Variants in DIPK2B observed in about 807,000 individuals in gnomAD.
DIPK2B encodes the protein divergent protein kinase domain 2B.
Under a neutral mutation model 22.2 loss-of-function variants are expected in DIPK2B, and 15 were observed. That is an observed-to-expected ratio of 0.68 (90% CI 0.45 to 1.04). The LOEUF is 1.04. Ranked by LOEUF, DIPK2B falls within the 50% of genes least tolerant of loss-of-function variation. DIPK2B has a pLI of 0.00. For missense variants in DIPK2B, 345 were observed against 348.3 expected, an observed-to-expected ratio of 0.99 and a Z score of 0.08; for synonymous variants, 163 against 153.2, an observed-to-expected ratio of 1.06 and a Z score of -0.47.
intron 2 of DIPK2B, among the ~76,000 whole-genome samples, chrX:45,179,414 C>T (rs538211094): frequency 8.2e-5 from 9 of 110,356 alleles, no homozygotes; most frequent in African/African-American, 1.6e-4. Context: ...AGCAAAAAAA[C>T]GGAAAACTAT....
At position 45,200,860 on chromosome X, in the gene DIPK2B, T is replaced by C. The variant is rs779730201; in HGVS notation, c.-34A>G. On this transcript the variant is annotated 5_prime_UTR_variant, in exon 1 of 5. Coordinates refer to ENST00000398000, the MANE Select transcript of DIPK2B (RefSeq NM_176819.4). ...CTGGGCTCCAGCTGCAGCCTCTGGC[T>C]GTCCACTCGAGGCTGTACAGAGGCA... 16 of 1,100,286 alleles carry C rather than the reference T, an allele frequency of 1.5e-5. No homozygotes were observed. Among genetic ancestry groups the C allele is most frequent in the Non-Finnish European group, 1.7e-5 (14 of 820,215 alleles). 90.7% of individuals were successfully genotyped at this position (1,100,286 alleles called of 1,213,427 possible). A position where few individuals can be genotyped will look rare whatever the true frequency, so the allele number is the denominator to read the frequency against.
intron 2 of DIPK2B, among the ~76,000 whole-genome samples, chrX:45,188,725 T>C (rs1299895960): frequency 8.9e-6 from 1 of 112,168 alleles, no homozygotes. Flanking sequence ...CCTGTACCCA[T>C]TAAACAGTCA....
rs752948767 is a variant in DIPK2B at position 45,200,800 on chromosome X, A to T, written c.27T>A (p.Ala9=). The change falls in exon 1 of 5, where the codon GCT becomes GCA. Residue 9 remains alanine, a synonymous_variant. Coordinates refer to ENST00000398000, the MANE Select transcript of DIPK2B (RefSeq NM_176819.4). The part of the protein sequence containing the change: MEPQLGPE[A]AALRPGWLAL... Reference sequence around the variant, plus strand: ...CCAGCCAGCCAGGGCGGAGGGCGGCAGCCTCAGGCCCCAGCTGGGGCTCCA... The same window carrying T: ...CCAGCCAGCCAGGGCGGAGGGCGGCTGCCTCAGGCCCCAGCTGGGGCTCCA... 2.5e-6 allele frequency: 3 copies of T among 1,195,158 alleles called. No individual in the cohort carries two copies. In the African/African-American group the frequency reaches 5.3e-5, roughly 21 times the overall value.
In DIPK2B at chrX:45,155,961, C is replaced by CTTTTTTTTTTTTTTTTTTTTTT. The variant is rs757375184; in HGVS notation, c.672+1732_672+1753dup. The stretch of plus-strand genomic sequence containing the variant: ...AGTTTCCCCTGCCTAAAGGGGACCT[C>CTTTTTTTTTTTTTTTTTTTTTT]TTTTTTTTTTTTTTTTTTTTTTTTA... On this transcript the variant is annotated intron_variant, in intron 3 of 4. Transcript: ENST00000398000. 1.3e-4 allele frequency among the ~76,000 whole-genome samples: 7 copies of CTTTTTTTTTTTTTTTTTTTTTT among 55,255 alleles called. 1 individual carries two copies. The highest frequency in any genetic ancestry group is 3.6e-4 in the African/African-American group (5 of 13,751). 48.0% of individuals were successfully genotyped at this position (55,255 alleles called of 115,157 possible).
chrX:45,168,655 G>A (rs1469226307), intron 2 of DIPK2B, among the ~76,000 whole-genome samples: 1 of 112,347 alleles, frequency 8.9e-6, no homozygotes, highest in South Asian at 3.7e-4. Context: ...CCTGGGGAGG[G>A]TTTTCAGGAG....
At chrX:45,156,516 C>T (rs1201624791) in intron 3 of DIPK2B, among the ~76,000 whole-genome samples, 2 of 111,916 alleles carry the variant, frequency 1.8e-5, no homozygotes, top group African/African-American at 3.2e-5. Context: ...ATTCCTTTTC[C>T]TCTTCTAGTA....
At chrX:45,154,760 G>C (rs928784266) in intron 3 of DIPK2B, among the ~76,000 whole-genome samples, 2 of 111,728 alleles carry the variant, frequency 1.8e-5, no homozygotes, top group Admixed American at 9.5e-5. Flanking sequence ...CTTAGGAAGA[G>C]GCTATGGGAA....
chrX:45,163,490 G>A (rs1178924655), intron 2 of DIPK2B: 2 of 752,480 alleles, frequency 2.7e-6, no homozygotes, highest in Non-Finnish European at 3.1e-6. Flanking sequence ...GAATAGAGGA[G>A]AAGTAGCTTC....
chrX:45,151,618 G>A lies in DIPK2B; in HGVS notation c.*34C>T, dbSNP rs766201333. 16 of 1,164,987 alleles carry A rather than the reference G, an allele frequency of 1.4e-5. No homozygotes were observed. The highest frequency in any genetic ancestry group is 1.1e-4 in the South Asian group (6 of 52,418). ...CGACTGGGAGAATGGAGAGCCAAGCGTGTTGTCCCCAAGGCCAGCTAGACA... is the reference window on the plus strand; with the variant it reads ...CGACTGGGAGAATGGAGAGCCAAGCATGTTGTCCCCAAGGCCAGCTAGACA... On this transcript the variant is annotated 3_prime_UTR_variant, in exon 5 of 5. Coordinates refer to ENST00000398000, the MANE Select transcript of DIPK2B (RefSeq NM_176819.4).
chrX:45,164,580 G>A (rs1229968356), intron 2 of DIPK2B, among the ~76,000 whole-genome samples: 2 of 111,483 alleles, frequency 1.8e-5, no homozygotes, highest in African/African-American at 6.5e-5. Flanking sequence ...ACACAGGGAG[G>A]GGAACATCAC....
At chrX:45,192,086 C>A in intron 1 of DIPK2B, 71 bp from the exon 2 acceptor site, 2 of 1,029,547 alleles carry the variant, frequency 1.9e-6, no homozygotes, top group Middle Eastern at 2.7e-4. Flanking sequence ...GACAGGAAGA[C>A]AGGGGACAAT....
At chrX:45,153,785 T>C (rs2046974601) in intron 4 of DIPK2B, 125 bp downstream of exon 4, 1 of 514,640 alleles carries the variant, frequency 1.9e-6, no homozygotes, top group Non-Finnish European at 3.1e-6. Context: ...CGAACTTGAG[T>C]GGCTCTCACT....
At chrX:45,152,183 C>T (rs2046965842) in intron 4 of DIPK2B, among the ~76,000 whole-genome samples, 191 bp from the exon 5 acceptor site, 1 of 111,057 alleles carries the variant, frequency 9.0e-6, no homozygotes, top group Admixed American at 9.5e-5. Flanking sequence ...TATGGTGAAA[C>T]CCCGTCTCTA....
chrX:45,197,981 G>A (rs1001634999), intron 1 of DIPK2B, among the ~76,000 whole-genome samples: 1 of 112,324 alleles, frequency 8.9e-6, no homozygotes, highest in Non-Finnish European at 1.9e-5. Flanking sequence ...AATTAAATAA[G>A]TTATGCTTAA....
At chrX:45,169,975 G>T (rs12007185) in intron 2 of DIPK2B, among the ~76,000 whole-genome samples, 6,659 of 110,368 alleles carry the variant, frequency 0.06, 180 homozygotes, top group Middle Eastern at 0.095. Context: ...CCGGCGCGGT[G>T]GCTCACGTCT....
At chrX:45,153,880 C>A in intron 4 of DIPK2B, 30 bp downstream of exon 4, 15 of 1,188,233 alleles carry the variant, frequency 1.3e-5, no homozygotes, top group Non-Finnish European at 1.7e-5. Context: ...TTCCCTCTGA[C>A]AGCTGCTCAG....
chrX:45,185,724 C>G (rs1389541780), intron 2 of DIPK2B, among the ~76,000 whole-genome samples: 1 of 104,195 alleles, frequency 9.6e-6, no homozygotes, highest in South Asian at 4.5e-4. Flanking sequence ...GCAGTCTCGG[C>G]TCACTGCAAC....
intron 1 of DIPK2B, among the ~76,000 whole-genome samples, chrX:45,195,243 T>G (rs1354204056): frequency 8.9e-6 from 1 of 111,834 alleles, no homozygotes; most frequent in Non-Finnish European, 1.9e-5. Flanking sequence ...GAGACAGCAT[T>G]CTCATCTTCC....
chrX:45,190,021 A>C (rs2047202935), intron 2 of DIPK2B, among the ~76,000 whole-genome samples: 1 of 112,303 alleles, frequency 8.9e-6, no homozygotes, highest in Non-Finnish European at 1.9e-5. Flanking sequence ...CATGTAATGC[A>C]AGATGACAAA....
Sources: allele counts gnomAD v4.1 joint callset (sites outside exome capture counted in the v4.1 genomes callset), GRCh38; gene constraint gnomAD v4.1.1; transcripts MANE v1.5; gene names NCBI Gene and HGNC (gene_info 2026-07-23, HGNC 2026-07-21).